Variants in RGMB observed in about 807,000 individuals in gnomAD.
RGMB encodes the protein repulsive guidance molecule BMP co-receptor b.
Under a neutral mutation model 26.9 loss-of-function variants are expected in RGMB, and 16 were observed. That is an observed-to-expected ratio of 0.60 (90% CI 0.40 to 0.90). RGMB has a LOEUF of 0.90. RGMB is among the 40% of genes least tolerant of loss of function. The probability of loss-of-function intolerance (pLI) is 0.00; values close to 1 mark genes in which losing one functional copy is unlikely to be tolerated. For synonymous variants in RGMB, 225 were observed against 229.3 expected (o/e 0.98, Z 0.17); for missense variants, 512 against 573.3 (o/e 0.89, Z 1.09).
chr5:98,793,862 TG>T lies in RGMB; in HGVS notation c.*110del. The T allele has an allele frequency of 1.2e-6, 1 of 857,224 alleles. No individual in the cohort carries two copies. Among genetic ancestry groups the T allele is most frequent in the Non-Finnish European group, 1.7e-6 (1 of 575,416 alleles). 53.1% of individuals were successfully genotyped at this position (857,224 alleles called of 1,614,324 possible). A position where few individuals can be genotyped will look rare whatever the true frequency, so the allele number is the denominator to read the frequency against. ...AGTATATATGTATATACCATGTATA[TG>T]ACAGGATGTTTGTCCTGGGACACCC... is the stretch of plus-strand genomic sequence containing the variant. On this transcript the variant is annotated 3_prime_UTR_variant, in exon 3 of 3. Coordinates refer to ENST00000513185, the MANE Select transcript of RGMB (RefSeq NM_001366508.1).
intron 1 of RGMB, among the ~76,000 whole-genome samples, chr5:98,777,158 A>G (rs1373281002): frequency 2.0e-5 from 3 of 151,950 alleles, no homozygotes; most frequent in Non-Finnish European, 4.4e-5. Flanking sequence ...CTGGGAATCT[A>G]AATTCCACTT....
At chr5:98,780,930 A>G (rs1486955017) in intron 2 of RGMB, 3 of 152,202 alleles carry the variant, frequency 2.0e-5, no homozygotes, top group Non-Finnish European at 4.4e-5. Flanking sequence ...TCACTTTTCC[A>G]CTAAAATAGT....
At chr5:98,780,364 T>TA (rs948665875) in intron 2 of RGMB, 7 of 348,702 alleles carry the variant, frequency 2.0e-5, no homozygotes, top group South Asian at 1.4e-4. Flanking sequence ...ACCTGTTTAG[T>TA]AAAAAAAGGA....
At chr5:98,786,684 T>A (rs1450490855) in intron 2 of RGMB, among the ~76,000 whole-genome samples, 1 of 152,210 alleles carries the variant, frequency 6.6e-6, no homozygotes, top group Non-Finnish European at 1.5e-5. Flanking sequence ...TGTGTTCTTG[T>A]GGGTGGGGTA....
chr5:98,778,545 T>C (rs1746489808), intron 1 of RGMB, among the ~76,000 whole-genome samples: 1 of 152,204 alleles, frequency 6.6e-6, no homozygotes, highest in African/African-American at 2.4e-5. Context: ...TACAGTTCAT[T>C]TATATAAAAT....
chr5:98,770,560 G>A (rs1456015051), upstream of RGMB: 10 of 1,111,240 alleles, frequency 9.0e-6, no homozygotes, highest in Non-Finnish European at 9.3e-6. Context: ...CGAGTGCATT[G>A]CTCACGCCAA....
intron 2 of RGMB, among the ~76,000 whole-genome samples, chr5:98,787,417 G>C (rs1746797022): frequency 6.6e-6 from 1 of 152,200 alleles, no homozygotes; most frequent in African/African-American, 2.4e-5. Context: ...TCTCTACCAG[G>C]AGAGGGAATG....
intron 2 of RGMB, among the ~76,000 whole-genome samples, chr5:98,792,311 G>A (rs1746955612): frequency 6.6e-6 from 1 of 152,164 alleles, no homozygotes; most frequent in Middle Eastern, 3.2e-3. Context: ...GTTCTGTTAG[G>A]TATATTGTTA....
Position 98,774,027 on chromosome 5 carries a change from C to CT in RGMB, c.-44_-43insT. The CT allele has an allele frequency of 1.4e-6, 1 of 699,278 alleles. No individual in the cohort carries two copies. Among genetic ancestry groups the CT allele is most frequent in the Non-Finnish European group, 2.4e-6 (1 of 414,336 alleles). 43.3% of individuals were successfully genotyped at this position (699,278 alleles called of 1,614,324 possible). A position where few individuals can be genotyped will look rare whatever the true frequency, so the allele number is the denominator to read the frequency against. On this transcript the variant is annotated 5_prime_UTR_variant, in exon 1 of 3. Transcript: ENST00000513185. ...GGGCCCAGACCCGCCACGGCGCCCG[C>CT]GCCGCCGCCCTCGCCGGAGCCCACG...
chr5:98,788,409 GT>G (rs1024517966), intron 2 of RGMB, among the ~76,000 whole-genome samples: 41 of 152,094 alleles, frequency 2.7e-4, no homozygotes, highest in African/African-American at 9.9e-4. Flanking sequence ...CTTCCTAACA[GT>G]TTTTTTCATA....
intron 1 of RGMB, among the ~76,000 whole-genome samples, chr5:98,778,392 T>C (rs1177480513): frequency 2.0e-5 from 3 of 152,162 alleles, no homozygotes; most frequent in Non-Finnish European, 4.4e-5. Context: ...TCATAAGATA[T>C]TTACTGTCTG....
At chr5:98,774,383 C>T (rs113387200) in intron 1 of RGMB, among the ~76,000 whole-genome samples, 177 bp downstream of exon 1, 10 of 152,320 alleles carry the variant, frequency 6.6e-5, no homozygotes, top group African/African-American at 2.2e-4. Flanking sequence ...ACGCAGCCAC[C>T]CACCGGGCGG....
At chr5:98,770,403 CCG>C (rs1421669570), upstream of RGMB, 5 of 399,748 alleles carry the variant, frequency 1.3e-5, no homozygotes, top group Admixed American at 4.4e-5. Context: ...CGCATTACCT[CCG>C]CGCGCTGGCA....
At chr5:98,772,106 A>G (rs571016129), upstream of RGMB, among the ~76,000 whole-genome samples, 1 of 152,324 alleles carries the variant, frequency 6.6e-6, no homozygotes, top group African/African-American at 2.4e-5. Flanking sequence ...AGCATTATCT[A>G]AAAATGTCAT....
At position 98,796,480 on chromosome 5, in the gene RGMB, T is replaced by C. The variant is rs986620065; in HGVS notation, c.*2727T>C. The C allele has an allele frequency of 6.6e-6, 1 of 152,070 alleles. No homozygotes were observed. Among genetic ancestry groups the C allele is most frequent in the African/African-American group, 2.4e-5 (1 of 41,390 alleles). 9.4% of individuals were successfully genotyped at this position (152,070 alleles called of 1,614,324 possible). A position where few individuals can be genotyped will look rare whatever the true frequency, so the allele number is the denominator to read the frequency against. On this transcript the variant is annotated 3_prime_UTR_variant, in exon 3 of 3. Coordinates refer to ENST00000513185, the MANE Select transcript of RGMB (RefSeq NM_001366508.1). ...ATTATGCTAGAAAAATAAAGTTACA[T>C]ACCTTGCTGTGGAATGTCTGTTCTG...
chr5:98,783,561 T>C (rs1250852607), intron 2 of RGMB, among the ~76,000 whole-genome samples: 2 of 152,224 alleles, frequency 1.3e-5, no homozygotes, highest in African/African-American at 4.8e-5. Context: ...GATGCTTGAC[T>C]TCTTCCATGT....
Position 98,795,649 on chromosome 5 carries a change from C to T in RGMB, c.*1896C>T, listed in dbSNP as rs781272594. 3 of 152,162 alleles carry T rather than the reference C, an allele frequency of 2.0e-5. No individual in the cohort carries two copies. Among genetic ancestry groups the T allele is most frequent in the South Asian group, 2.1e-4 (1 of 4,830 alleles). The allele number at this position is 152,162 out of a possible 1,614,324, so 9.4% of individuals were successfully genotyped here. ...CCTTTTATAGAAGCTGGACTAGAGA[C>T]GGACTGACCATCAGCTCTGAACTGT... On this transcript the variant is annotated 3_prime_UTR_variant, in exon 3 of 3. Coordinates refer to ENST00000513185, the MANE Select transcript of RGMB (RefSeq NM_001366508.1).
Position 98,794,995 on chromosome 5 carries a change from G to C in RGMB, c.*1242G>C, listed in dbSNP as rs1232199391. The C allele has an allele frequency of 1.3e-5, 2 of 152,128 alleles. No individual in the cohort carries two copies. Among genetic ancestry groups the C allele is most frequent in the Admixed American group, 1.3e-4 (2 of 15,270 alleles). The allele number at this position is 152,128 out of a possible 1,614,324, so 9.4% of individuals were successfully genotyped here. A position where few individuals can be genotyped will look rare whatever the true frequency, so the allele number is the denominator to read the frequency against. On this transcript the variant is annotated 3_prime_UTR_variant, in exon 3 of 3. Coordinates refer to ENST00000513185, the MANE Select transcript of RGMB (RefSeq NM_001366508.1). ...TAACTAAGCATTGTGCTTCCCAGGT[G>C]GTCTGAAGTCAGGTACTCTCTCTCT...
In RGMB at chr5:98,795,279, TAAAC is replaced by T. The variant is rs1234344604; in HGVS notation, c.*1528_*1531del. ...TTAATAATTTGTTGATAAGTTTACATAAACAGAAATAAAAGATACTATCTTTACC... is the reference window on the plus strand; with the variant it reads ...TTAATAATTTGTTGATAAGTTTACATAGAAATAAAAGATACTATCTTTACC... On this transcript the variant is annotated 3_prime_UTR_variant, in exon 3 of 3. Coordinates refer to ENST00000513185, the MANE Select transcript of RGMB (RefSeq NM_001366508.1). The T allele has an allele frequency of 6.6e-6, 1 of 152,210 alleles. No homozygotes were observed. Among genetic ancestry groups the T allele is most frequent in the East Asian group, 1.9e-4 (1 of 5,200 alleles). The allele number at this position is 152,210 out of a possible 1,614,324, so 9.4% of individuals were successfully genotyped here.
Sources: allele counts gnomAD v4.1 joint callset (sites outside exome capture counted in the v4.1 genomes callset), GRCh38; gene constraint gnomAD v4.1.1; transcripts MANE v1.5; gene names NCBI Gene and HGNC (gene_info 2026-07-23, HGNC 2026-07-21).